SIPA1L1: variants seen among roughly 807,000 people sequenced by gnomAD.
The protein encoded by SIPA1L1 is signal-induced proliferation-associated 1-like protein 1.
Under a neutral mutation model 162.7 loss-of-function variants are expected in SIPA1L1, and 26 were observed. The observed-to-expected ratio is 0.16, with a 90% CI of 0.12 to 0.22. The LOEUF is 0.22. SIPA1L1 is among the 10% of genes least tolerant of loss of function. SIPA1L1 has a pLI of 1.00. For missense variants in SIPA1L1, 1,874 were observed against 2,241.0 expected (o/e 0.84, Z 3.31); for synonymous variants, 829 against 837.4 (o/e 0.99, Z 0.17).
At chr14:71,544,573 C>T (rs897488362) in intron 4 of SIPA1L1, among the ~76,000 whole-genome samples, 1 of 152,116 alleles carries the variant, frequency 6.6e-6, no homozygotes, top group East Asian at 1.9e-4. Context: ...TATGTTTACT[C>T]CGAGAAGCTT....
At chr14:71,723,980 G>A (rs879614386) in intron 18 of SIPA1L1, 94 bp downstream of exon 18, 24 of 1,457,802 alleles carry the variant, frequency 1.6e-5, no homozygotes, top group South Asian at 2.5e-5. Context: ...AAAAGAGGCC[G>A]GGCTAGGGGG....
intron 9 of SIPA1L1, among the ~76,000 whole-genome samples, 180 bp downstream of exon 9, chr14:71,658,616 C>G (rs374945359): frequency 6.6e-6 from 1 of 152,204 alleles, no homozygotes; most frequent in East Asian, 1.9e-4. Flanking sequence ...TGAAGAGACA[C>G]AAATTTTAGG....
chr14:71,630,233 C>T (rs2040434289), intron 7 of SIPA1L1, among the ~76,000 whole-genome samples: 1 of 152,164 alleles, frequency 6.6e-6, no homozygotes, highest in Non-Finnish European at 1.5e-5. Context: ...AGATATCCAC[C>T]ATGGCCATCT....
At position 71,730,217 on chromosome 14, in the gene SIPA1L1, C is replaced by G; in HGVS notation, c.4777C>G (p.Leu1593Val). 1 of 1,614,166 alleles carries G rather than the reference C, an allele frequency of 6.2e-7. No homozygotes were observed. Among genetic ancestry groups the G allele is most frequent in the Middle Eastern group, 1.6e-4 (1 of 6,062 alleles). Residue 1593 changes from leucine (L) to valine (V), a missense_variant, in exon 20 of 24, where the codon CTC becomes GTC. This residue lies in a region of SIPA1L1 where 936 missense variants were observed against 1,051.9 expected (regional missense o/e 0.89). Transcript: ENST00000381232. ...GGACCAAGCCCTGCCCAACGACGTC[C>G]TCTTCAGTAGCACGTACCCTTCTCT... ...LLDQALPNDV[L>V]FSSTYPSLPK...
At position 71,337,926 on chromosome 14, in the gene SIPA1L1, G is replaced by A. The variant is rs549642132; in HGVS notation, c.-465+16745G>A. On this transcript the variant is annotated intron_variant, in intron 2 of 23. Coordinates refer to ENST00000381232, the MANE Select transcript of SIPA1L1 (RefSeq NM_001386936.1). ...GTGCCACTGCACTCCAGCCTGGGCA[G>A]CAGAGTGAGACCATGTCTTAAAAAA... Among the ~76,000 whole-genome samples, 3 of 152,242 alleles carry A rather than the reference G, an allele frequency of 2.0e-5. No homozygotes were observed. The East Asian group carries it at 5.8e-4, about 29-fold the overall frequency.
At chr14:71,595,036 C>T (rs568259611) in intron 5 of SIPA1L1, among the ~76,000 whole-genome samples, 2 of 152,322 alleles carry the variant, frequency 1.3e-5, no homozygotes, top group African/African-American at 2.4e-5. Context: ...AAGCGTGGCT[C>T]AGCTGCACCC....
intron 5 of SIPA1L1, among the ~76,000 whole-genome samples, chr14:71,600,122 T>C (rs948628820): frequency 6.6e-6 from 1 of 152,218 alleles, no homozygotes; most frequent in Non-Finnish European, 1.5e-5. Context: ...TTTAGTATAG[T>C]CCCATATGTC....
In SIPA1L1 at chr14:71,739,967, CATTA is replaced by C. The variant is rs1195232499; in HGVS notation, c.*810_*813del. 2 of 152,216 alleles carry C rather than the reference CATTA, an allele frequency of 1.3e-5. No individual in the cohort carries two copies. The highest frequency in any genetic ancestry group is 2.9e-5 in the Non-Finnish European group (2 of 68,042). The allele number at this position is 152,216 out of a possible 1,614,324, so 9.4% of individuals were successfully genotyped here. The stretch of plus-strand genomic sequence containing the variant: ...TCTCTTACAGCTTCCTGGCTCCAAA[CATTA>C]ATTGATTTCAGAATTCCCCCAAACT... On this transcript the variant is annotated 3_prime_UTR_variant, in exon 24 of 24. Transcript: ENST00000381232.
intron 2 of SIPA1L1, among the ~76,000 whole-genome samples, chr14:71,361,017 A>G (rs1298840280): frequency 6.6e-6 from 1 of 152,154 alleles, no homozygotes; most frequent in African/African-American, 2.4e-5. Flanking sequence ...TAGTTTATAT[A>G]TATTTTTTTT....
intron 17 of SIPA1L1, among the ~76,000 whole-genome samples, chr14:71,717,447 T>C (rs1369081990): frequency 2.6e-5 from 4 of 152,244 alleles, no homozygotes; most frequent in Non-Finnish European, 4.4e-5. Context: ...AAGTAACATA[T>C]TGCAGTTATT....
At chr14:71,670,888 T>A (rs543790358) in intron 10 of SIPA1L1, among the ~76,000 whole-genome samples, 2 of 152,308 alleles carry the variant, frequency 1.3e-5, no homozygotes, top group African/African-American at 4.8e-5. Context: ...CTTTTGGGAT[T>A]TTGGGAGGTT....
intron 4 of SIPA1L1, among the ~76,000 whole-genome samples, chr14:71,534,758 A>G (rs2053745278): frequency 1.3e-5 from 2 of 152,184 alleles, no homozygotes; most frequent in South Asian, 4.1e-4. Flanking sequence ...TTGTATTACT[A>G]TGCAGTGGCC....
At chr14:71,485,653 G>A (rs984544942) in intron 2 of SIPA1L1, among the ~76,000 whole-genome samples, 11 of 151,894 alleles carry the variant, frequency 7.2e-5, no homozygotes, top group Non-Finnish European at 1.2e-4. Flanking sequence ...ATTTTATTAT[G>A]TATTATAATG....
chr14:71,434,521 C>T (rs7159161), intron 2 of SIPA1L1, among the ~76,000 whole-genome samples: 1 of 152,090 alleles, frequency 6.6e-6, no homozygotes, highest in African/African-American at 2.4e-5. Flanking sequence ...CTGTTCCTGT[C>T]CTTTTTGTTT....
intron 2 of SIPA1L1, among the ~76,000 whole-genome samples, chr14:71,506,238 G>T (rs1264713705): frequency 3.9e-5 from 6 of 152,144 alleles, no homozygotes; most frequent in Non-Finnish European, 7.3e-5. Flanking sequence ...CAAAAACATT[G>T]TAGTAGAATG....
In SIPA1L1 at chr14:71,583,792, T is replaced by C. The variant is rs1019922286; in HGVS notation, c.-302-3779T>C. Among the ~76,000 whole-genome samples the C allele has an allele frequency of 3.9e-5, 6 of 152,154 alleles. No homozygotes were observed. The East Asian group carries it at 1.2e-3, about 29-fold the overall frequency. Reference sequence around the variant, plus strand: ...ACCTACCTCTATTTTATCTGAAGTTTAGTGGAGAAGATCATGACCAGAGAT... The same window carrying C: ...ACCTACCTCTATTTTATCTGAAGTTCAGTGGAGAAGATCATGACCAGAGAT... On this transcript the variant is annotated intron_variant, in intron 4 of 23. Transcript: ENST00000381232.
chr14:71,617,348 A>C (rs1326326298), intron 5 of SIPA1L1, among the ~76,000 whole-genome samples: 1 of 152,234 alleles, frequency 6.6e-6, no homozygotes, highest in Non-Finnish European at 1.5e-5. Flanking sequence ...ATTGTGTGCA[A>C]AGTAAGAGTA....
chr14:71,480,379 G>A (rs112647467), intron 2 of SIPA1L1, among the ~76,000 whole-genome samples: 2,693 of 148,096 alleles, frequency 0.018, 30 homozygotes, highest in African/African-American at 0.026. Flanking sequence ...GTGAGCCACC[G>A]TGCCCGGCCA....
chr14:71,377,524 C>T lies in SIPA1L1; in HGVS notation c.-465+56343C>T, dbSNP rs2039513924. On this transcript the variant is annotated intron_variant, in intron 2 of 23. Coordinates refer to ENST00000381232, the MANE Select transcript of SIPA1L1 (RefSeq NM_001386936.1). This position sits in a 1 kb window ranked among gnomAD's most constrained non-coding sequence, Gnocchi z 4.8. The stretch of plus-strand genomic sequence containing the variant: ...GGCCAGGCAGAGGGGCTCCTCACAT[C>T]CCAGACCATGGGCAGCCAGGCAGAG... Among the ~76,000 whole-genome samples, 1 of 151,970 alleles carries T rather than the reference C, an allele frequency of 6.6e-6. No homozygotes were observed. Among genetic ancestry groups the T allele is most frequent in the African/African-American group, 2.4e-5 (1 of 41,350 alleles).
Sources: gnomAD v4.1 joint callset for allele counts (sites outside exome capture counted in the v4.1 genomes callset) on GRCh38, gnomAD v4.1.1 for gene constraint, gnomAD v4.1.1 regional missense constraint, Gnocchi (gnomAD v3.1) non-coding constraint, MANE v1.5 for transcripts, NCBI Gene and HGNC (gene_info 2026-07-23, HGNC 2026-07-21) for gene names.